The following IFT56 variants were observed in gnomAD, a reference collection of about 807,000 sequenced individuals.
The protein encoded by IFT56 is intraflagellar transport 56, also known as intraflagellar transport protein 56.
At chr7:139,190,559 G>C in the IFT56 span, 3 of 152,132 alleles carry the variant, frequency 2.0e-5, no homozygotes, top group African/African-American at 7.2e-5. Context: ...CATCAGTTTT[G>C]AAAGTAGGGC....
At chr7:139,152,817 C>G in the IFT56 span, among the ~76,000 whole-genome samples, 1 of 152,130 alleles carries the variant, frequency 6.6e-6, no homozygotes, top group Non-Finnish European at 1.5e-5. Context: ...TAAGTGCAAC[C>G]ATCACCACAG....
the IFT56 span, among the ~76,000 whole-genome samples, chr7:139,139,345 TAA>T: frequency 6.6e-6 from 1 of 151,940 alleles, no homozygotes; most frequent in Non-Finnish European, 1.5e-5. Context: ...GAAAATGAAA[TAA>T]AGACACCTGG....
the IFT56 span, among the ~76,000 whole-genome samples, chr7:139,151,800 G>A: frequency 6.6e-6 from 1 of 152,078 alleles, no homozygotes; most frequent in African/African-American, 2.4e-5. Context: ...AGTGGCTCAC[G>A]CCTGTAATCC....
At chr7:139,170,202 G>A in the IFT56 span, among the ~76,000 whole-genome samples, 268 of 152,226 alleles carry the variant, frequency 1.8e-3, no homozygotes, top group African/African-American at 6.1e-3. Flanking sequence ...CAAGTAATGA[G>A]ATCAAAGCCA....
chr7:139,183,117 A>G, the IFT56 span, among the ~76,000 whole-genome samples: 1 of 152,154 alleles, frequency 6.6e-6, no homozygotes, highest in Non-Finnish European at 1.5e-5. Flanking sequence ...GAAGAAAATG[A>G]GCCATTGAAC....
the IFT56 span, chr7:139,134,783 C>G: frequency 6.2e-7 from 1 of 1,613,388 alleles, no homozygotes. Context: ...GAGCTATTAC[C>G]CTGTTGGAGG....
the IFT56 span, chr7:139,173,700 G>T: frequency 2.6e-6 from 2 of 771,136 alleles, no homozygotes; most frequent in Non-Finnish European, 2.4e-6. Context: ...TGATGGTGAC[G>T]AGGCCTCTCA....
the IFT56 span, among the ~76,000 whole-genome samples, chr7:139,153,606 TCTTTTA>T: frequency 6.6e-6 from 1 of 152,326 alleles, no homozygotes; most frequent in East Asian, 1.9e-4. Context: ...ATGATCGGCA[TCTTTTA>T]CTTAGCATAG....
At chr7:139,152,078 A>G in the IFT56 span, among the ~76,000 whole-genome samples, 1 of 152,144 alleles carries the variant, frequency 6.6e-6, no homozygotes, top group Admixed American at 6.5e-5. Context: ...AAAAAAAGAA[A>G]CCATTTCCTA....
the IFT56 span, among the ~76,000 whole-genome samples, chr7:139,186,866 G>A: frequency 2.7e-5 from 4 of 150,288 alleles, no homozygotes; most frequent in African/African-American, 9.9e-5. Context: ...AGGCTGAGAC[G>A]GGTGGATCAT....
At chr7:139,178,084 A>G in the IFT56 span, 555 of 684,802 alleles carry the variant, frequency 8.1e-4, no homozygotes, top group African/African-American at 4.7e-3. Flanking sequence ...AAGAAAATGT[A>G]TAATGTCAGA....
At chr7:139,137,856 C>T in the IFT56 span, 1 of 1,612,822 alleles carries the variant, frequency 6.2e-7, no homozygotes, top group South Asian at 1.1e-5. Flanking sequence ...GTTCAAACGT[C>T]ATGTTGGGGA....
the IFT56 span, among the ~76,000 whole-genome samples, chr7:139,146,640 G>A: frequency 5.9e-5 from 9 of 151,922 alleles, no homozygotes; most frequent in South Asian, 1.0e-3. Flanking sequence ...GGTGGCATGC[G>A]CCTGTAATCC....
the IFT56 span, among the ~76,000 whole-genome samples, chr7:139,145,753 T>C: frequency 6.6e-6 from 1 of 152,284 alleles, no homozygotes. Context: ...TAAGATTTTC[T>C]AGATGTTCTT....
the IFT56 span, chr7:139,172,796 C>A: frequency 4.7e-6 from 3 of 644,096 alleles, no homozygotes; most frequent in Admixed American, 1.8e-5. Context: ...CAGGACAGGA[C>A]CTCGTTCATT....
At chr7:139,155,173 C>T in the IFT56 span, among the ~76,000 whole-genome samples, 1 of 152,036 alleles carries the variant, frequency 6.6e-6, no homozygotes, top group Non-Finnish European at 1.5e-5. Context: ...TGATTGTATC[C>T]TGAAACCTTG....
At chr7:139,162,018 A>G in the IFT56 span, among the ~76,000 whole-genome samples, 1 of 152,210 alleles carries the variant, frequency 6.6e-6, no homozygotes. Flanking sequence ...TGACAGATTA[A>G]TATGGAAGGT....
chr7:139,191,116 A>T, the IFT56 span: 1 of 152,238 alleles, frequency 6.6e-6, no homozygotes, highest in Non-Finnish European at 1.5e-5. Flanking sequence ...ACCTCTACTC[A>T]TGAGGATGGC....
At chr7:139,143,964 T>C in the IFT56 span, among the ~76,000 whole-genome samples, 1 of 152,186 alleles carries the variant, frequency 6.6e-6, no homozygotes, top group Admixed American at 6.5e-5. Context: ...TTTAAACTCA[T>C]TTACTCTCCA....
Sources: allele counts gnomAD v4.1 joint callset (sites outside exome capture counted in the v4.1 genomes callset), GRCh38; gene constraint gnomAD v4.1.1; transcripts MANE v1.5; gene names NCBI Gene and HGNC (gene_info 2026-07-23, HGNC 2026-07-21).